The following TBX3 variants were observed in gnomAD, a reference collection of about 807,000 sequenced individuals.
TBX3 encodes the protein T-box transcription factor 3.
Under a neutral mutation model 47.8 loss-of-function variants are expected in TBX3, and 11 were observed. The ratio of observed to expected loss-of-function variants is 0.23; its 90% confidence interval spans 0.14 to 0.38. The LOEUF (loss-of-function observed/expected upper bound fraction) is 0.38. Among genes scored for constraint, TBX3 ranks in the 10% least tolerant of loss-of-function variants. The pLI is 1.00. For missense variants in TBX3, 927 were observed against 1,022.8 expected (o/e 0.91, Z 1.28); for synonymous variants, 500 against 449.3 (o/e 1.11, Z -1.43).
At position 114,674,762 on chromosome 12, in the gene TBX3, G is replaced by A. The variant is rs762528344; in HGVS notation, c.1113C>T (p.Asp371=). Reference sequence around the variant, plus strand: ...ACGTGGTGGTGGAGATCTTGGCCGCGTCGCAGGCCTCGGGGCCATGCTCCT... The same window carrying A: ...ACGTGGTGGTGGAGATCTTGGCCGCATCGCAGGCCTCGGGGCCATGCTCCT... ...SKEEHGPEAC[D]AAKISTTTSE... Residue 371 remains aspartate (D), a synonymous_variant, in exon 6 of 7, where the codon GAC becomes GAT. Coordinates refer to ENST00000349155, the MANE Select transcript of TBX3 (RefSeq NM_005996.4). 22 of 1,590,094 alleles carry A rather than the reference G, an allele frequency of 1.4e-5. No homozygotes were observed. Among genetic ancestry groups the A allele is most frequent in the African/African-American group, 6.7e-5 (5 of 74,564 alleles).
chr12:114,676,576 G>A, intron 4 of TBX3, 106 bp from the exon 5 acceptor site: 1 of 1,434,152 alleles, frequency 7.0e-7, no homozygotes, highest in Non-Finnish European at 9.7e-7. Flanking sequence ...CACCCTGCCT[G>A]CTGCCCAGGG....
Position 114,677,446 on chromosome 12 carries a change from T to C in TBX3, c.881+134A>G. On this transcript the variant is annotated intron_variant, in intron 4 of 6. Transcript: ENST00000349155. ...GGGTATACTGATAGCGGCAAGCATG[T>C]AGCAGTGGGGAAAGTGAATGATTTC... 4.8e-6 allele frequency: 4 copies of C among 826,530 alleles called. No individual in the cohort carries two copies. The South Asian group carries it at 5.8e-5, about 12-fold the overall frequency. The allele number at this position is 826,530 out of a possible 1,614,324, so 51.2% of individuals were successfully genotyped here.
At chr12:114,682,786 T>C in intron 1 of TBX3, 26 bp downstream of exon 1, 1 of 1,614,052 alleles carries the variant, frequency 6.2e-7, no homozygotes, top group South Asian at 1.1e-5. Flanking sequence ...TCCAACAGCT[T>C]AGGGGAGGAG....
rs1258709646 is a variant in TBX3 at position 114,674,419 on chromosome 12, C to T, written c.1456G>A (p.Gly486Ser). 2 of 1,550,004 alleles carry T rather than the reference C, an allele frequency of 1.3e-6. No individual in the cohort carries two copies. The highest frequency in any genetic ancestry group is 1.7e-6 in the Non-Finnish European group (2 of 1,147,036). Residue 486 changes from glycine (G) to serine (S), a missense_variant, in exon 6 of 7, where the codon GGC (glycine) becomes AGC (serine). Transcript: ENST00000349155. The stretch of plus-strand genomic sequence containing the variant: ...TTGAAGAACTGTTGGCCCGCCAGGC[C>T]CGGGGCGAAGCCGAGGCCAGGCAGG... Reference protein sequence around the residue: ...GPLPGLGFAPGLAGQQFFNGH... With the variant: ...GPLPGLGFAPSLAGQQFFNGH...
rs781639524 is a variant in TBX3 at position 114,683,067 on chromosome 12, G to T, written c.134C>A (p.Thr45Lys). 6.2e-7 allele frequency: 1 copy of T among 1,609,964 alleles called. No homozygotes were observed. Among genetic ancestry groups the T allele is most frequent in the African/African-American group, 1.3e-5 (1 of 74,812 alleles). The change falls in exon 1 of 7, where the codon ACG becomes AAG. Residue 45 changes from threonine (T) to lysine (K), a missense_variant. Thr to Lys is a moderately conservative substitution (Grantham distance 78). Transcript: ENST00000349155. This position sits in a 1 kb window ranked among gnomAD's most constrained non-coding sequence, Gnocchi z 7.7. ...CGCCGCCGCGCCGTTGGGAGGCAGC[G>T]TCAGCGCGGGGAAGAACGGCGGCTG... ...GHQPPFFPAL[T>K]LPPNGAAALS...
rs1592850583 is a variant in TBX3 at position 114,679,824 on chromosome 12, C to T, written c.658-173G>A. The T allele has an allele frequency of 6.4e-6, 10 of 1,550,962 alleles. No individual in the cohort carries two copies. The East Asian group carries it at 2.2e-4, about 35-fold the overall frequency. The stretch of plus-strand genomic sequence containing the variant: ...CGTTTCGCTCCACAGATGTTATCTT[C>T]TGGAGAATCCAAATTGCTCCTCAGT... On this transcript the variant is annotated intron_variant, in intron 2 of 6. Coordinates refer to ENST00000349155, the MANE Select transcript of TBX3 (RefSeq NM_005996.4).
chr12:114,679,184 A>G (rs1348353891), intron 3 of TBX3, among the ~76,000 whole-genome samples: 2 of 152,060 alleles, frequency 1.3e-5, no homozygotes, highest in East Asian at 1.9e-4. Flanking sequence ...CCCAAGGGGA[A>G]GAAGATGAAC....
Position 114,674,586 on chromosome 12 carries a change from C to G in TBX3, c.1289G>C (p.Gly430Ala). Residue 430 changes from glycine to alanine, a missense_variant, in exon 6 of 7, where the codon GGC (glycine) becomes GCC (alanine). Around this residue, in one of 5 missense-constraint regions of TBX3, gnomAD observed 623 missense variants for 569.0 expected, o/e 1.09. Coordinates refer to ENST00000349155, the MANE Select transcript of TBX3 (RefSeq NM_005996.4). Reference sequence around the variant, plus strand: ...AACCGGGCTCCTGCGCTCCTCCGCGCCCAGGCCGCGAGTGCTGGACGAGAT... The same window carrying G: ...AACCGGGCTCCTGCGCTCCTCCGCGGCCAGGCCGCGAGTGCTGGACGAGAT... ...ATISSSTRGL[G>A]AEERRSPVRE... 1 of 1,590,152 alleles carries G rather than the reference C, an allele frequency of 6.3e-7. No individual in the cohort carries two copies. The highest frequency in any genetic ancestry group is 8.5e-7 in the Non-Finnish European group (1 of 1,170,396).
In TBX3 at chr12:114,683,342, G is replaced by C; in HGVS notation, c.-142C>G. 8.4e-7 allele frequency: 1 copy of C among 1,188,462 alleles called. No homozygotes were observed. The highest frequency in any genetic ancestry group is 1.2e-6 in the Non-Finnish European group (1 of 859,528). The allele number at this position is 1,188,462 out of a possible 1,614,324, so 73.6% of individuals were successfully genotyped here. Reference sequence around the variant, plus strand: ...AACAAAAAAGAAAGAAAAAAGAAAAGGAGGCAGAAATCACAACTAATGCAC... The same window carrying C: ...AACAAAAAAGAAAGAAAAAAGAAAACGAGGCAGAAATCACAACTAATGCAC... On this transcript the variant is annotated 5_prime_UTR_variant, in exon 1 of 7. Coordinates refer to ENST00000349155, the MANE Select transcript of TBX3 (RefSeq NM_005996.4). This position sits in a 1 kb window ranked among gnomAD's most constrained non-coding sequence, Gnocchi z 7.7.
At chr12:114,679,824 C>G in intron 2 of TBX3, 173 bp from the exon 3 acceptor site, 1 of 1,550,962 alleles carries the variant, frequency 6.4e-7, no homozygotes, top group East Asian at 2.2e-5. Flanking sequence ...ATGTTATCTT[C>G]TGGAGAATCC....
Position 114,676,320 on chromosome 12 carries a change from G to A in TBX3, c.1032C>T (p.Asn344=). Reference sequence around the variant, plus strand: ...AAAGGTGACATGGTTTACCTTTGAGGTTCGATGTCCCTACAGTGGAGGCGG... The same window carrying A: ...AAAGGTGACATGGTTTACCTTTGAGATTCGATGTCCCTACAGTGGAGGCGG... ...SPAASTVGTS[N]LKDLCPSEGE... Residue 344 remains asparagine (N), a synonymous_variant, in exon 5 of 7, where the codon AAC becomes AAT. Coordinates refer to ENST00000349155, the MANE Select transcript of TBX3 (RefSeq NM_005996.4). The A allele has an allele frequency of 5.0e-6, 8 of 1,613,824 alleles. No individual in the cohort carries two copies. Among genetic ancestry groups the A allele is most frequent in the Non-Finnish European group, 6.8e-6 (8 of 1,180,018 alleles).
intron 5 of TBX3, among the ~76,000 whole-genome samples, chr12:114,676,017 A>G (rs1248175804): frequency 2.0e-5 from 3 of 152,162 alleles, no homozygotes; most frequent in Admixed American, 2.0e-4. Context: ...AAGCGCTTCA[A>G]GCAAGTTTTC....
rs751082134 is a variant in TBX3 at position 114,674,417 on chromosome 12, G to T, written c.1458C>A (p.Gly486=). 2 of 1,550,024 alleles carry T rather than the reference G, an allele frequency of 1.3e-6. No homozygotes were observed. Among genetic ancestry groups the T allele is most frequent in the Non-Finnish European group, 1.7e-6 (2 of 1,147,086 alleles). ...CGTTGAAGAACTGTTGGCCCGCCAG[G>T]CCCGGGGCGAAGCCGAGGCCAGGCA... ...GPLPGLGFAP[G]LAGQQFFNGH... is the part of the protein sequence containing the mutation. The change falls in exon 6 of 7, where the codon GGC becomes GGA. Residue 486 remains glycine, a synonymous_variant. Transcript: ENST00000349155.
rs14175 is a variant in TBX3 at position 114,674,780 on chromosome 12, A to G, written c.1095T>C (p.His365=). The G allele has an allele frequency of 2.4e-4, 375 of 1,587,530 alleles. 1 individual carries two copies. In the African/African-American group the frequency reaches 4.3e-3, roughly 18 times the overall value. Residue 365 remains histidine, a synonymous_variant, in exon 6 of 7, where the codon CAT becomes CAC. Coordinates refer to ENST00000349155, the MANE Select transcript of TBX3 (RefSeq NM_005996.4). The part of the protein sequence containing the change: ...SDAEAESKEE[H]GPEACDAAKI... ...TGGCCGCGTCGCAGGCCTCGGGGCC[A>G]TGCTCCTCTTTGCTCTCGGCCTCGG...
chr12:114,674,409 C>G lies in TBX3; in HGVS notation c.1466G>C (p.Gly489Ala), dbSNP rs1259313182. The G allele has an allele frequency of 6.4e-7, 1 of 1,550,650 alleles. No homozygotes were observed. The highest frequency in any genetic ancestry group is 8.7e-7 in the Non-Finnish European group (1 of 1,147,368). ...CGGGTGCCCGTTGAAGAACTGTTGG[C>G]CCGCCAGGCCCGGGGCGAAGCCGAG... ...PGLGFAPGLA[G>A]QQFFNGHPLF... is the part of the protein sequence containing the mutation. Residue 489 changes from glycine to alanine, a missense_variant, in exon 6 of 7, where the codon GGC becomes GCC. By Grantham distance (60) the Gly-to-Ala change is moderately conservative (BLOSUM62 0). Transcript: ENST00000349155.
chr12:114,676,593 C>CT lies in TBX3; in HGVS notation c.882-124dup, dbSNP rs1868721886. The CT allele has an allele frequency of 2.3e-6, 3 of 1,316,824 alleles. No homozygotes were observed. The South Asian group carries it at 3.6e-5, about 16-fold the overall frequency. The allele number at this position is 1,316,824 out of a possible 1,614,324, so 81.6% of individuals were successfully genotyped here. A position where few individuals can be genotyped will look rare whatever the true frequency, so the allele number is the denominator to read the frequency against. On this transcript the variant is annotated intron_variant, in intron 4 of 6. Transcript: ENST00000349155. ...CCCTGCCTGCTGCCCAGGGACAACG[C>CT]TAATTCACTGAAATCTGCTTGCCCC...
chr12:114,673,422 C>CA (rs1868538873), intron 6 of TBX3, among the ~76,000 whole-genome samples: 1 of 151,432 alleles, frequency 6.6e-6, no homozygotes, highest in South Asian at 2.1e-4. Context: ...CACAGGCCTC[C>CA]AGGCCTGCCC....
At chr12:114,681,345 C>T (rs938111289) in intron 1 of TBX3, among the ~76,000 whole-genome samples, 199 bp from the exon 2 acceptor site, 1 of 152,198 alleles carries the variant, frequency 6.6e-6, no homozygotes, top group African/African-American at 2.4e-5. Context: ...TTCTCAGTTT[C>T]GCCATATTTA....
At chr12:114,679,881 A>G in intron 2 of TBX3, 1 of 1,609,516 alleles carries the variant, frequency 6.2e-7, no homozygotes, top group Non-Finnish European at 8.5e-7. Flanking sequence ...CTCACCATCT[A>G]AGGATCATTC....
Sources: allele counts gnomAD v4.1 joint callset (sites outside exome capture counted in the v4.1 genomes callset), GRCh38; gene constraint gnomAD v4.1.1; regional missense constraint gnomAD v4.1.1; non-coding constraint Gnocchi (gnomAD v3.1); transcripts MANE v1.5; gene names NCBI Gene and HGNC (gene_info 2026-07-23, HGNC 2026-07-21).